The following CCDC81 variants were observed in gnomAD, a reference collection of about 807,000 sequenced individuals.
The protein encoded by CCDC81 is coiled-coil domain-containing protein 81.
In CCDC81, 79 loss-of-function variants were observed where a neutral mutation model predicts 83.7. The observed-to-expected ratio is 0.94, with a 90% confidence interval of 0.79 to 1.14. The LOEUF is 1.14. Ranked by LOEUF, CCDC81 falls within the 50% of genes most tolerant of loss-of-function variation. The pLI, the probability that CCDC81 is intolerant of heterozygous loss-of-function variation, is 0.00. For synonymous variants in CCDC81, 252 were observed against 278.1 expected (o/e 0.91, Z 0.93); for missense variants, 791 against 778.1 (o/e 1.02, Z -0.20).
chr11:86,381,864 G>A (rs1371465011), intron 1 of CCDC81, among the ~76,000 whole-genome samples: 1 of 152,158 alleles, frequency 6.6e-6, no homozygotes, highest in Non-Finnish European at 1.5e-5. Context: ...TTTGAGCTGA[G>A]TTGTGAAGAA....
Position 86,395,418 on chromosome 11 carries a change from G to A in CCDC81, c.635+5G>A, listed in dbSNP as rs762864821. 6 of 1,613,120 alleles carry A rather than the reference G, an allele frequency of 3.7e-6. No homozygotes were observed. In the South Asian group the frequency reaches 5.5e-5, roughly 15 times the overall value. On this transcript the variant is annotated splice_donor_5th_base_variant and intron_variant, in intron 5 of 14. Transcript: ENST00000445632. ...CAGTGTGCTTGCGTTTCCAAGGTGAGTGCTTTGCTTCACGGGTTCCTCTAG... is the reference window on the plus strand; with the variant it reads ...CAGTGTGCTTGCGTTTCCAAGGTGAATGCTTTGCTTCACGGGTTCCTCTAG...
intron 1 of CCDC81, among the ~76,000 whole-genome samples, chr11:86,383,590 G>C (rs1304640075): frequency 2.0e-5 from 3 of 152,178 alleles, no homozygotes; most frequent in African/African-American, 7.2e-5. Context: ...CTTTATAAGA[G>C]TGATTCTTGG....
Position 86,374,900 on chromosome 11 carries a change from C to T in CCDC81, c.-264C>T, listed in dbSNP as rs117418610. On this transcript the variant is annotated 5_prime_UTR_variant, in exon 1 of 15. Transcript: ENST00000445632. ...CTGCACACTCTCACTCGGTGCCGGA[C>T]ATCAGTTCCTGCGGCTCTTGCTGTG... 0.016 allele frequency: 7,137 copies of T among 446,532 alleles called. 115 individuals carry two copies. Among genetic ancestry groups the T allele is most frequent in the Non-Finnish European group, 0.02 (4,845 of 239,310 alleles). 27.7% of individuals were successfully genotyped at this position (446,532 alleles called of 1,614,324 possible).
intron 1 of CCDC81, among the ~76,000 whole-genome samples, chr11:86,378,848 A>G (rs77813907): frequency 7.3e-4 from 111 of 152,124 alleles, no homozygotes; most frequent in African/African-American, 2.6e-3. Flanking sequence ...TTTAATCTAT[A>G]TGTTTTTAGA....
At position 86,409,003 on chromosome 11, in the gene CCDC81, C is replaced by G. The variant is rs77853944; in HGVS notation, c.1114-258C>G. ...AATTGACCCTGCTGCCTGCCCTTTC[C>G]TGCATTTGTGATGAATTCTTCCATT... is the stretch of plus-strand genomic sequence containing the variant. On this transcript the variant is annotated intron_variant, in intron 9 of 14. Coordinates refer to ENST00000445632, the MANE Select transcript of CCDC81 (RefSeq NM_001156474.2). Among the ~76,000 whole-genome samples the G allele has an allele frequency of 1.8e-3, 272 of 152,290 alleles. 9 individuals are homozygous for G. The East Asian group carries it at 0.045, about 25-fold the overall frequency.
intron 5 of CCDC81, among the ~76,000 whole-genome samples, chr11:86,395,774 C>T (rs1948399743): frequency 6.6e-6 from 1 of 152,188 alleles, no homozygotes; most frequent in Admixed American, 6.5e-5. Context: ...AGGCGCACGC[C>T]ACCATGCCTG....
intron 4 of CCDC81, among the ~76,000 whole-genome samples, chr11:86,394,376 T>C (rs1444467536): frequency 6.6e-6 from 1 of 152,212 alleles, no homozygotes; most frequent in Non-Finnish European, 1.5e-5. Context: ...GTCACCCTCA[T>C]GGACAGAGGG....
chr11:86,381,409 G>C lies in CCDC81; in HGVS notation c.80-4642G>C, dbSNP rs896966894. On this transcript the variant is annotated intron_variant, in intron 1 of 14. Transcript: ENST00000445632. ...TTCTCTTATATTTACCTGGATATTT[G>C]GCTGTGGGAATCTGGTTGAGCTCTG... 2.3e-4 allele frequency among the ~76,000 whole-genome samples: 35 copies of C among 152,262 alleles called. 1 individual carries two copies. Among genetic ancestry groups the C allele is most frequent in the Non-Finnish European group, 5.9e-5 (4 of 68,016 alleles).
intron 6 of CCDC81, 49 bp from the exon 7 acceptor site, chr11:86,400,629 G>A (rs1312799733): frequency 6.4e-7 from 1 of 1,554,358 alleles, no homozygotes; most frequent in Admixed American, 1.8e-5. Flanking sequence ...ACAGTTAGTG[G>A]TTTGAGAGTT....
At position 86,408,254 on chromosome 11, in the gene CCDC81, C is replaced by T; in HGVS notation, c.1097C>T (p.Ala366Val). 6.2e-7 allele frequency: 1 copy of T among 1,612,624 alleles called. No individual in the cohort carries two copies. Residue 366 changes from alanine (A) to valine (V), a missense_variant, in exon 9 of 15, where the codon GCT (alanine) becomes GTT (valine). Physicochemically the swap from Ala to Val is moderately conservative, Grantham distance 64. Transcript: ENST00000445632. ...QQYQMLKDQE[A>V]LFRHQMKSLA... ...TATCAGATGTTAAAGGATCAGGAGG[C>T]TCTCTTCAGACACCAGGTAGTCCAA...
chr11:86,375,171 A>T lies in CCDC81; in HGVS notation c.8A>T (p.Asp3Val). Reference protein sequence around the residue: MLDTIARALQDLG... With the variant: MLVTIARALQDLG... Reference sequence around the variant, plus strand: ...GTCACCTGGAAATTGGAGATGTTGGATACGATCGCCCGTGCCCTGCAGGAC... The same window carrying T: ...GTCACCTGGAAATTGGAGATGTTGGTTACGATCGCCCGTGCCCTGCAGGAC... Residue 3 changes from aspartate to valine, a missense_variant, in exon 1 of 15, where the codon GAT (aspartate) becomes GTT (valine). Transcript: ENST00000445632. 3 of 1,613,598 alleles carry T rather than the reference A, an allele frequency of 1.9e-6. No individual in the cohort carries two copies. Among genetic ancestry groups the T allele is most frequent in the Non-Finnish European group, 8.5e-7 (1 of 1,179,870 alleles).
At chr11:86,407,997 T>C in intron 8 of CCDC81, 130 bp from the exon 9 acceptor site, 1 of 858,956 alleles carries the variant, frequency 1.2e-6, no homozygotes, top group Non-Finnish European at 1.8e-6. Context: ...AATCTCATTT[T>C]GCTGTCACTA....
chr11:86,378,506 A>G (rs1194663804), intron 1 of CCDC81, among the ~76,000 whole-genome samples: 1 of 152,152 alleles, frequency 6.6e-6, no homozygotes, highest in African/African-American at 2.4e-5. Context: ...GGTGCTGTTG[A>G]GTTCAACTAT....
At chr11:86,407,764 A>G in intron 8 of CCDC81, 63 bp downstream of exon 8, 1 of 1,264,976 alleles carries the variant, frequency 7.9e-7, no homozygotes, top group Non-Finnish European at 1.1e-6. Flanking sequence ...TTTCTCAAAG[A>G]GAGTTCTGGG....
intron 3 of CCDC81, among the ~76,000 whole-genome samples, chr11:86,389,777 A>G (rs976035148): frequency 2.6e-5 from 4 of 152,226 alleles, no homozygotes; most frequent in Non-Finnish European, 5.9e-5. Flanking sequence ...TATTAGTAAG[A>G]CATAGTTCTT....
chr11:86,419,820 GA>G, intron 13 of CCDC81, 107 bp from the exon 14 acceptor site: 2 of 1,226,376 alleles, frequency 1.6e-6, no homozygotes, highest in East Asian at 2.4e-5. Flanking sequence ...TCAGAGTAGT[GA>G]ACAAAACCAG....
chr11:86,408,140 T>C lies in CCDC81; in HGVS notation c.983T>C (p.Val328Ala). 5 of 1,612,064 alleles carry C rather than the reference T, an allele frequency of 3.1e-6. No individual in the cohort carries two copies. Among genetic ancestry groups the C allele is most frequent in the East Asian group, 2.2e-5 (1 of 44,854 alleles). Residue 328 changes from valine to alanine, a missense_variant, in exon 9 of 15, where the codon GTA (valine) becomes GCA (alanine). By Grantham distance (64) the Val-to-Ala change is moderately conservative. Transcript: ENST00000445632. Reference protein sequence around the residue: ...HNKAGQEMCYVCLQRAQRNSL... With the variant: ...HNKAGQEMCYACLQRAQRNSL... The stretch of plus-strand genomic sequence containing the variant: ...TTGGGATTGTAGGAAATGTGCTATG[T>C]ATGTTTGCAACGAGCACAACGAAAT...
At chr11:86,417,137 G>A (rs553421097) in intron 13 of CCDC81, among the ~76,000 whole-genome samples, 46 of 151,716 alleles carry the variant, frequency 3.0e-4, no homozygotes, top group African/African-American at 1.1e-3. Context: ...CCAGCTATTC[G>A]GGTGGCTGAG....
At chr11:86,411,557 C>A (rs1948641656) in intron 10 of CCDC81, among the ~76,000 whole-genome samples, 1 of 152,192 alleles carries the variant, frequency 6.6e-6, no homozygotes, top group African/African-American at 2.4e-5. Context: ...TCACCAGGGT[C>A]TAGAATGGCC....
Sources: gnomAD v4.1 joint callset for allele counts (sites outside exome capture counted in the v4.1 genomes callset) on GRCh38, gnomAD v4.1.1 for gene constraint, MANE v1.5 for transcripts, NCBI Gene and HGNC (gene_info 2026-07-23, HGNC 2026-07-21) for gene names.